Variants in SLIT1 observed in about 807,000 individuals in gnomAD.
SLIT1 encodes slit guidance ligand 1.
In SLIT1, 66 loss-of-function variants were observed where a neutral mutation model predicts 186.1. The ratio of observed to expected loss-of-function variants is 0.35; its 90% CI spans 0.29 to 0.44. The LOEUF (loss-of-function observed/expected upper bound fraction) is 0.44. Ranked by LOEUF, SLIT1 falls within the 20% of genes least tolerant of loss-of-function variation. The probability of loss-of-function intolerance (pLI) is 1.00; values close to 1 mark genes in which losing one functional copy is unlikely to be tolerated. For synonymous variants in SLIT1, 761 were observed against 833.8 expected, an observed-to-expected ratio of 0.91 and a Z score of 1.50; for missense variants, 1,638 against 2,037.4, an observed-to-expected ratio of 0.80 and a Z score of 3.77.
intron 11 of SLIT1, chr10:97,057,905 G>T: frequency 1.4e-6 from 1 of 698,982 alleles, no homozygotes; most frequent in Non-Finnish European, 2.7e-6. Flanking sequence ...GGGGAGGGGG[G>T]TTGTATGCCA....
chr10:97,021,501 GGGCTGGC>G lies in SLIT1; in HGVS notation c.2583-95_2583-89del. On this transcript the variant is annotated intron_variant, in intron 25 of 36. Transcript: ENST00000266058. The surrounding 1 kb of genome is among the most constrained non-coding windows in gnomAD (Gnocchi z 4.5). ...CCTAGAGTCCCAGGCACTGCACCAGGGGCTGGCAAAAATCTTAGCCTCCATTTCATGA... is the reference window on the plus strand; with the variant it reads ...CCTAGAGTCCCAGGCACTGCACCAGGAAAAATCTTAGCCTCCATTTCATGA... The G allele has an allele frequency of 8.0e-7, 1 of 1,244,100 alleles. No individual in the cohort carries two copies. The highest frequency in any genetic ancestry group is 1.1e-6 in the Non-Finnish European group (1 of 898,098). The allele number at this position is 1,244,100 out of a possible 1,614,324, so 77.1% of individuals were successfully genotyped here.
At position 97,001,178 on chromosome 10, in the gene SLIT1, G is replaced by C; in HGVS notation, c.4539C>G (p.Ser1513Arg). Residue 1513 changes from serine (S) to arginine (R), a missense_variant, in exon 37 of 37, where the codon AGC becomes AGG. Around this residue, in one of 3 missense-constraint regions of SLIT1, gnomAD observed 220 missense variants for 211.3 expected, o/e 1.04. Transcript: ENST00000266058. ...LKRRKFTFEC[S>R]DGTSFAEEVE... ...CCTCCTCGGCAAAAGAGGTCCCATC[G>C]CTGCACTCAAAGGTGAACTTCCTCC... The C allele has an allele frequency of 6.2e-7, 1 of 1,613,302 alleles. No individual in the cohort carries two copies. The highest frequency in any genetic ancestry group is 8.5e-7 in the Non-Finnish European group (1 of 1,179,862).
intron 25 of SLIT1, among the ~76,000 whole-genome samples, chr10:97,026,301 T>C (rs935351575): frequency 6.6e-6 from 1 of 151,958 alleles, no homozygotes; most frequent in African/African-American, 2.4e-5. Flanking sequence ...CCATCTCTAC[T>C]AAAAATACAA....
At chr10:97,117,942 G>A (rs1849523701) in intron 4 of SLIT1, among the ~76,000 whole-genome samples, 1 of 152,176 alleles carries the variant, frequency 6.6e-6, no homozygotes, top group Non-Finnish European at 1.5e-5. Flanking sequence ...CAGAGTTCTG[G>A]TTCCAGCCTC....
chr10:97,049,113 A>G lies in SLIT1; in HGVS notation c.1307T>C (p.Leu436Pro). 6.2e-7 allele frequency: 1 copy of G among 1,612,646 alleles called. No individual in the cohort carries two copies. The highest frequency in any genetic ancestry group is 8.5e-7 in the Non-Finnish European group (1 of 1,179,826). Residue 436 changes from leucine (L) to proline (P), a missense_variant, in exon 14 of 37, where the codon CTG (leucine) becomes CCG (proline). By Grantham distance (98) the Leu-to-Pro change is moderately conservative. This residue lies in a region of SLIT1 where 1,245 missense variants were observed against 1,535.3 expected (regional missense o/e 0.81). Transcript: ENST00000266058. ...GTCGCAAATGAAAGGGTTCTGCGCC[A>G]GGTGCCTGTCCAAAGCAGGCAGATC... ...TSLRAIQTLH[L>P]AQNPFICDCN...
In SLIT1 at chr10:97,000,233, G is replaced by T. The variant is rs1282850943; in HGVS notation, c.*879C>A. 6.6e-6 allele frequency: 1 copy of T among 152,304 alleles called. No individual in the cohort carries two copies. Among genetic ancestry groups the T allele is most frequent in the Admixed American group, 6.5e-5 (1 of 15,292 alleles). 9.4% of individuals were successfully genotyped at this position (152,304 alleles called of 1,614,324 possible). A position where few individuals can be genotyped will look rare whatever the true frequency, so the allele number is the denominator to read the frequency against. ...CTCACACCCAGTCCCTCTACCAATA[G>T]GTCACCGACAGCTTGTGGCTGACTG... On this transcript the variant is annotated 3_prime_UTR_variant, in exon 37 of 37. Transcript: ENST00000266058.
intron 14 of SLIT1, 103 bp downstream of exon 14, chr10:97,048,852 T>G (rs11498732): frequency 1.9e-6 from 2 of 1,044,110 alleles, no homozygotes; most frequent in Non-Finnish European, 2.9e-6. Context: ...AGCAGGCGGG[T>G]AGGTGGGCAG....
chr10:97,185,495 A>C lies in SLIT1; in HGVS notation c.180T>G (p.Pro60=), dbSNP rs2134753905. Residue 60 remains proline, a synonymous_variant, in exon 1 of 37, where the codon CCT becomes CCG. Transcript: ENST00000266058. ...TGLQAIPKNI[P]RNTERLELNG... ...ATACTCACAGGCGCTCGGTGTTCCGAGGTATATTCTTGGGAATGGCCTGCA... is the reference window on the plus strand; with the variant it reads ...ATACTCACAGGCGCTCGGTGTTCCGCGGTATATTCTTGGGAATGGCCTGCA... The C allele has an allele frequency of 1.2e-6, 2 of 1,612,030 alleles. No individual in the cohort carries two copies. The highest frequency in any genetic ancestry group is 1.7e-6 in the Non-Finnish European group (2 of 1,179,536).
At chr10:97,046,450 T>C (rs1016224777) in intron 18 of SLIT1, among the ~76,000 whole-genome samples, 3 of 152,224 alleles carry the variant, frequency 2.0e-5, no homozygotes, top group Non-Finnish European at 4.4e-5. Flanking sequence ...ATTGGCCCCA[T>C]GCCCCAGGGT....
At chr10:97,065,378 C>G (rs1263913632) in intron 5 of SLIT1, 5 of 153,950 alleles carry the variant, frequency 3.2e-5, no homozygotes, top group Non-Finnish European at 7.2e-5. Context: ...ATGTGTGCCA[C>G]AGGCGAGGTT....
intron 4 of SLIT1, among the ~76,000 whole-genome samples, chr10:97,143,987 C>A (rs1479313997): frequency 6.6e-6 from 1 of 152,176 alleles, no homozygotes; most frequent in Non-Finnish European, 1.5e-5. Flanking sequence ...CACCTGAGGT[C>A]AGGAGTTCAA....
In SLIT1 at chr10:97,037,710, T is replaced by C; in HGVS notation, c.2354A>G (p.Tyr785Cys). Residue 785 changes from tyrosine to cysteine, a missense_variant, in exon 22 of 37, where the codon TAC becomes TGC. Tyr to Cys is a radical substitution (Grantham distance 194, BLOSUM62 -2). Transcript: ENST00000266058. ...LVPGQLSTFK[Y>C]LQLVDLSNNK... ...CCTGGATACTTACACGAGCTGCAGG[T>C]ACTTGAAGGTAGACAGCTGTCCCGG... The C allele has an allele frequency of 6.2e-7, 1 of 1,609,144 alleles. No individual in the cohort carries two copies. The highest frequency in any genetic ancestry group is 1.3e-5 in the African/African-American group (1 of 74,952).
rs577090348 is a variant in SLIT1 at position 97,108,255 on chromosome 10, C to A, written c.414-42169G>T. ...TAGGAGGGTAGGCTCTCCTTGCTGC[C>A]TGGGTTTACATGCCAGCTTTGCCAC... is the stretch of plus-strand genomic sequence containing the variant. On this transcript the variant is annotated intron_variant, in intron 4 of 36. Coordinates refer to ENST00000266058, the MANE Select transcript of SLIT1 (RefSeq NM_003061.3). Among the ~76,000 whole-genome samples, 106 of 152,270 alleles carry A rather than the reference C, an allele frequency of 7.0e-4. 1 individual carries two copies. Among genetic ancestry groups the A allele is most frequent in the Middle Eastern group, 3.4e-3 (1 of 294 alleles).
At chr10:97,148,864 T>G (rs910396926) in intron 4 of SLIT1, among the ~76,000 whole-genome samples, 4 of 152,266 alleles carry the variant, frequency 2.6e-5, no homozygotes, top group Non-Finnish European at 4.4e-5. Context: ...AGCCCGTTCC[T>G]GCACGCACGC....
At chr10:97,008,060 A>G (rs1049864794) in intron 31 of SLIT1, among the ~76,000 whole-genome samples, 9 of 152,112 alleles carry the variant, frequency 5.9e-5, no homozygotes, top group Admixed American at 2.6e-4. Flanking sequence ...AAGGAAGGCA[A>G]GCAAGGGAAG....
intron 1 of SLIT1, among the ~76,000 whole-genome samples, chr10:97,179,796 A>ACCCCCCCCCCCCCCCCCCCCCCCCCCCC (rs1411663173): frequency 9.7e-6 from 1 of 103,106 alleles, no homozygotes; most frequent in Admixed American, 1.0e-4. Context: ...AATTCTCCAC[A>ACCCCCCCCCCCCCCCCCCCCCCCCCCCC]CCCTCCCCGC....
At chr10:97,123,053 A>G (rs1272494146) in intron 4 of SLIT1, among the ~76,000 whole-genome samples, 1 of 152,214 alleles carries the variant, frequency 6.6e-6, no homozygotes, top group East Asian at 1.9e-4. Context: ...ACACCCTTCA[A>G]AGAACCCAAC....
In SLIT1 at chr10:97,040,486, G is replaced by A. The variant is rs144563066; in HGVS notation, c.2165-366C>T. ...ACAGTACAGTTAGGGGTGCAGCATC[G>A]CCCCTAGAATGCAGGCATGAGGAGG... is the stretch of plus-strand genomic sequence containing the variant. On this transcript the variant is annotated intron_variant, in intron 20 of 36. Coordinates refer to ENST00000266058, the MANE Select transcript of SLIT1 (RefSeq NM_003061.3). Among the ~76,000 whole-genome samples the A allele has an allele frequency of 1.2e-3, 176 of 152,124 alleles. 1 individual carries two copies. Among genetic ancestry groups the A allele is most frequent in the Middle Eastern group, 6.8e-3 (2 of 294 alleles).
At chr10:97,056,202 A>G in intron 13 of SLIT1, 119 bp downstream of exon 13, 1 of 1,114,208 alleles carries the variant, frequency 9.0e-7, no homozygotes, top group Non-Finnish European at 1.3e-6. Flanking sequence ...CCTCTGTAAG[A>G]GGCCACCCCC....
Sources: allele counts gnomAD v4.1 joint callset (sites outside exome capture counted in the v4.1 genomes callset), GRCh38; gene constraint gnomAD v4.1.1; regional missense constraint gnomAD v4.1.1; non-coding constraint Gnocchi (gnomAD v3.1); transcripts MANE v1.5; gene names NCBI Gene and HGNC (gene_info 2026-07-23, HGNC 2026-07-21).